Variants in KIAA1328 observed in about 807,000 individuals in gnomAD.
The protein encoded by KIAA1328 is protein hinderin.
A neutral mutation model predicts 68.1 loss-of-function variants in KIAA1328; 52 were observed. The observed-to-expected ratio is 0.76, with a 90% CI of 0.61 to 0.96. The LOEUF (loss-of-function observed/expected upper bound fraction) is 0.96. Ranked by LOEUF, KIAA1328 falls within the 40% of genes least tolerant of loss-of-function variation. The probability of loss-of-function intolerance (pLI) is 0.00; values close to 1 mark genes in which losing one functional copy is unlikely to be tolerated. For synonymous variants in KIAA1328, 232 were observed against 239.4 expected (o/e 0.97, Z 0.28); for missense variants, 641 against 677.6 (o/e 0.95, Z 0.60).
intron 6 of KIAA1328, among the ~76,000 whole-genome samples, chr18:36,992,427 G>C (rs1340316608): frequency 1.3e-5 from 2 of 148,944 alleles, no homozygotes; most frequent in African/African-American, 5.0e-5. Context: ...GCGAGGCAAA[G>C]GTCCAATTTC....
At chr18:37,193,163 T>C (rs149459945) in intron 9 of KIAA1328, among the ~76,000 whole-genome samples, 365 of 152,262 alleles carry the variant, frequency 2.4e-3, no homozygotes, top group Non-Finnish European at 4.6e-3. Context: ...TTTGGAAAGT[T>C]ATTTATATTA....
chr18:37,098,500 AT>A (rs2057487007), intron 7 of KIAA1328, among the ~76,000 whole-genome samples: 1 of 152,200 alleles, frequency 6.6e-6, no homozygotes, highest in South Asian at 2.1e-4. Context: ...GGATTTTTGC[AT>A]TGATGTTCAT....
At chr18:36,962,050 G>A (rs1022479704) in intron 6 of KIAA1328, among the ~76,000 whole-genome samples, 2 of 152,176 alleles carry the variant, frequency 1.3e-5, no homozygotes, top group African/African-American at 4.8e-5. Flanking sequence ...ACCTATCAAT[G>A]TGCTGTATTC....
rs370715869 is a variant in KIAA1328, at chr18:37,116,050, A to G, written c.1233-44150A>G. Among the ~76,000 whole-genome samples, 4 of 152,384 alleles carry G rather than the reference A, an allele frequency of 2.6e-5. No homozygotes were observed. In the South Asian group the frequency reaches 6.2e-4, roughly 24 times the overall value. On this transcript the variant is annotated intron_variant, in intron 7 of 9. Transcript: ENST00000280020. ...GGAAGAACATTCCATGCTCATGGGC[A>G]GGAAAAATCAATATCATGAAAATGG... is the stretch of plus-strand genomic sequence containing the variant.
chr18:36,939,563 C>G (rs566237122), intron 5 of KIAA1328, among the ~76,000 whole-genome samples: 1 of 152,196 alleles, frequency 6.6e-6, no homozygotes, highest in South Asian at 2.1e-4. Context: ...TCTTCCTTTT[C>G]TATTTGGATG....
Position 37,223,055 on chromosome 18 carries a change from C to T in KIAA1328, c.*828C>T, listed in dbSNP as rs1013425610. ...AAGTGTTCAGCTTATTCACCCCACC[C>T]CCCCACCCCCCATCACACGTGCTCC... On this transcript the variant is annotated 3_prime_UTR_variant, in exon 10 of 10. Transcript: ENST00000280020. 9.7e-6 allele frequency: 2 copies of T among 205,288 alleles called. No homozygotes were observed. Among genetic ancestry groups the T allele is most frequent in the African/African-American group, 3.1e-5 (1 of 32,694 alleles). 12.7% of individuals were successfully genotyped at this position (205,288 alleles called of 1,614,324 possible).
intron 7 of KIAA1328, among the ~76,000 whole-genome samples, chr18:37,119,755 T>A (rs1041350212): frequency 6.2e-4 from 95 of 152,158 alleles, no homozygotes; most frequent in African/African-American, 2.2e-3. Flanking sequence ...ATGACAGTGG[T>A]CATTTACAAC....
chr18:37,059,329 C>G (rs977815313), intron 6 of KIAA1328, among the ~76,000 whole-genome samples: 1 of 151,978 alleles, frequency 6.6e-6, no homozygotes, highest in Non-Finnish European at 1.5e-5. Flanking sequence ...CTACAAGGAA[C>G]TTAAACAAAT....
At position 37,086,620 on chromosome 18, in the gene KIAA1328, C is replaced by G. The variant is rs1222014441; in HGVS notation, c.1232+19075C>G. Among the ~76,000 whole-genome samples, 7 of 152,280 alleles carry G rather than the reference C, an allele frequency of 4.6e-5. No individual in the cohort carries two copies. The East Asian group carries it at 1.4e-3, about 29-fold the overall frequency. On this transcript the variant is annotated intron_variant, in intron 7 of 9. Transcript: ENST00000280020. ...ACTGTAGGAGTGCAGAGGCAGTAAT[C>G]TTTTTGTGTCACACCTCTGAAAAAT...
At chr18:37,205,348 G>T (rs941248836) in intron 9 of KIAA1328, among the ~76,000 whole-genome samples, 2 of 152,170 alleles carry the variant, frequency 1.3e-5, no homozygotes, top group Non-Finnish European at 2.9e-5. Context: ...GAAGAGTAAA[G>T]TCTGCTCCTA....
At chr18:37,182,090 A>G (rs985774020) in intron 9 of KIAA1328, among the ~76,000 whole-genome samples, 18 of 152,294 alleles carry the variant, frequency 1.2e-4, no homozygotes, top group Non-Finnish European at 2.2e-4. Flanking sequence ...ACTGCTATGA[A>G]TGGTGACATC....
At position 36,844,207 on chromosome 18, in the gene KIAA1328, G is replaced by T. The variant is rs767827727; in HGVS notation, c.238-1G>T. On this transcript the variant is annotated splice_acceptor_variant, in intron 3 of 9. Coordinates refer to ENST00000280020, the MANE Select transcript of KIAA1328 (RefSeq NM_020776.3). LOFTEE classifies it high-confidence loss of function. ...GTGTAACTAAATTTTTTTTTTTTAA[G>T]AATTCCTGCAGGGGAGAAATAAAGA... 3.2e-6 allele frequency: 5 copies of T among 1,560,446 alleles called. No homozygotes were observed. The South Asian group carries it at 3.6e-5, about 11-fold the overall frequency.
intron 6 of KIAA1328, among the ~76,000 whole-genome samples, chr18:37,034,683 A>C (rs2054959642): frequency 6.6e-6 from 1 of 152,344 alleles, no homozygotes; most frequent in South Asian, 2.1e-4. Flanking sequence ...AATACTCTTA[A>C]ATAATAAAGA....
chr18:37,200,327 C>T (rs1201995963), intron 9 of KIAA1328, among the ~76,000 whole-genome samples: 4 of 152,234 alleles, frequency 2.6e-5, no homozygotes, highest in South Asian at 4.2e-4. Flanking sequence ...TTGATAACAT[C>T]GAATAGTGAT....
chr18:37,211,232 A>G (rs796543755), intron 9 of KIAA1328, among the ~76,000 whole-genome samples: 13 of 152,288 alleles, frequency 8.5e-5, no homozygotes, highest in African/African-American at 3.1e-4. Context: ...TGGGAAGTCA[A>G]GGGGCCTGGG....
chr18:37,004,352 A>G (rs1286269738), intron 6 of KIAA1328, among the ~76,000 whole-genome samples: 2 of 151,894 alleles, frequency 1.3e-5, no homozygotes, highest in South Asian at 2.1e-4. Context: ...ATAACAATCT[A>G]TACATCTGAC....
chr18:37,020,708 A>G (rs2054314598), intron 6 of KIAA1328, among the ~76,000 whole-genome samples: 1 of 152,204 alleles, frequency 6.6e-6, no homozygotes, highest in Non-Finnish European at 1.5e-5. Context: ...ATTGCTTTCC[A>G]GAAGGTGTAT....
At chr18:37,108,656 T>C (rs2151895245) in intron 7 of KIAA1328, among the ~76,000 whole-genome samples, 1 of 152,332 alleles carries the variant, frequency 6.6e-6, no homozygotes, top group South Asian at 2.1e-4. Flanking sequence ...GTACCTGTTC[T>C]CTCCATGCCT....
Position 37,134,738 on chromosome 18 carries a change from A to G in KIAA1328, c.1233-25462A>G, listed in dbSNP as rs1022648957. ...ACTTTTATTTTAGATTCAGGGGCAC[A>G]TGTGTAGGTTTGTTTCCTGGGTATA... On this transcript the variant is annotated intron_variant, in intron 7 of 9. Transcript: ENST00000280020. Among the ~76,000 whole-genome samples the G allele has an allele frequency of 3.2e-4, 48 of 152,326 alleles. 1 individual carries two copies. Among genetic ancestry groups the G allele is most frequent in the African/African-American group, 1.1e-3 (47 of 41,588 alleles).
Sources: allele counts gnomAD v4.1 joint callset (sites outside exome capture counted in the v4.1 genomes callset), GRCh38; gene constraint gnomAD v4.1.1; transcripts MANE v1.5; gene names NCBI Gene and HGNC (gene_info 2026-07-23, HGNC 2026-07-21).